The following BCKDHB variants were observed in gnomAD, a reference collection of about 807,000 sequenced individuals.
The protein encoded by BCKDHB is 2-oxoisovalerate dehydrogenase subunit beta, mitochondrial.
A neutral mutation model predicts 48.5 loss-of-function variants in BCKDHB; 41 were observed. The observed-to-expected ratio is 0.85, with a 90% CI of 0.66 to 1.10. The LOEUF is 1.10. BCKDHB is among the 50% of genes least tolerant of loss of function. The probability of loss-of-function intolerance (pLI) is 0.00; values close to 1 mark genes in which losing one functional copy is unlikely to be tolerated. For synonymous variants in BCKDHB, 201 were observed against 174.8 expected (o/e 1.15, Z -1.18); for missense variants, 496 against 494.2 (o/e 1.00, Z -0.03).
chr6:80,180,189 T>A (rs1205639556), intron 6 of BCKDHB, among the ~76,000 whole-genome samples: 1 of 152,264 alleles, frequency 6.6e-6, no homozygotes, highest in African/African-American at 2.4e-5. Context: ...TTATTTCTCC[T>A]TATTTTGAAT....
chr6:80,409,631 T>TATATATATATAA, the BCKDHB span, among the ~76,000 whole-genome samples: 1 of 111,430 alleles, frequency 9.0e-6, no homozygotes, highest in African/African-American at 3.3e-5. Flanking sequence ...TATATATATA[T>TATATATATATAA]GATAGTTAGT....
chr6:80,172,548 ATT>A (rs1002254180), intron 6 of BCKDHB, among the ~76,000 whole-genome samples: 1 of 151,958 alleles, frequency 6.6e-6, no homozygotes, highest in Non-Finnish European at 1.5e-5. Context: ...CATCAAGGTA[ATT>A]TTTTGTGAAT....
the BCKDHB span, among the ~76,000 whole-genome samples, chr6:80,353,282 C>T: frequency 1.3e-5 from 2 of 152,154 alleles, no homozygotes; most frequent in Non-Finnish European, 2.9e-5. Context: ...TGTATATAAT[C>T]ACCATCTTTT....
the BCKDHB span, among the ~76,000 whole-genome samples, chr6:80,359,562 G>A: frequency 6.6e-6 from 1 of 152,044 alleles, no homozygotes; most frequent in African/African-American, 2.4e-5. Flanking sequence ...AGATAAGCCA[G>A]TTTTTGGCTT....
chr6:80,413,359 T>C, the BCKDHB span, among the ~76,000 whole-genome samples: 2 of 152,196 alleles, frequency 1.3e-5, no homozygotes, highest in Non-Finnish European at 2.9e-5. Context: ...GGTAAACTTA[T>C]GTCATGGAGG....
intron 9 of BCKDHB, among the ~76,000 whole-genome samples, chr6:80,333,201 A>G (rs1769409436): frequency 6.6e-6 from 1 of 152,168 alleles, no homozygotes; most frequent in African/African-American, 2.4e-5. Context: ...AGTCTTATGC[A>G]GTGCACCTAA....
Position 80,208,280 on chromosome 6 carries a change from A to G in BCKDHB, c.951+5068A>G, listed in dbSNP as rs1774761387. On this transcript the variant is annotated intron_variant, in intron 8 of 9. Coordinates refer to ENST00000320393, the MANE Select transcript of BCKDHB (RefSeq NM_183050.4). ...AAAATTAGAAAAGAAACTGGACTGA[A>G]TGTTAATGAAGATAGAATATATCAA... is the stretch of plus-strand genomic sequence containing the variant. Among the ~76,000 whole-genome samples the G allele has an allele frequency of 2.0e-5, 3 of 151,874 alleles. No individual in the cohort carries two copies. The South Asian group carries it at 6.2e-4, about 31-fold the overall frequency.
chr6:80,365,378 TATCTC>T, the BCKDHB span, among the ~76,000 whole-genome samples: 1 of 152,110 alleles, frequency 6.6e-6, no homozygotes, highest in Admixed American at 6.6e-5. Flanking sequence ...GCTCAGTCCT[TATCTC>T]AACTGCATAA....
chr6:80,458,100 C>G, the BCKDHB span, among the ~76,000 whole-genome samples: 2 of 152,138 alleles, frequency 1.3e-5, no homozygotes, highest in African/African-American at 2.4e-5. Context: ...TTCAATGAAG[C>G]CTTAGAAAGG....
chr6:80,125,742 G>A (rs1261682169), intron 1 of BCKDHB, among the ~76,000 whole-genome samples: 2 of 152,004 alleles, frequency 1.3e-5, no homozygotes, highest in Admixed American at 6.6e-5. Flanking sequence ...GGTTACTAAT[G>A]TAATTGTCTT....
At chr6:80,175,535 T>C (rs961706898) in intron 6 of BCKDHB, among the ~76,000 whole-genome samples, 4 of 152,196 alleles carry the variant, frequency 2.6e-5, no homozygotes, top group African/African-American at 9.7e-5. Flanking sequence ...AGTCCACTTC[T>C]AGGAATCCAT....
chr6:80,465,727 T>C, the BCKDHB span: 1 of 152,186 alleles, frequency 6.6e-6, no homozygotes, highest in Non-Finnish European at 1.5e-5. Flanking sequence ...ATAAAATAAA[T>C]AAATCTGTTT....
At chr6:80,406,138 C>A in the BCKDHB span, among the ~76,000 whole-genome samples, 1 of 152,130 alleles carries the variant, frequency 6.6e-6, no homozygotes. Context: ...ATCCATGTCC[C>A]TGCAAAGGAA....
intron 9 of BCKDHB, among the ~76,000 whole-genome samples, chr6:80,297,220 C>T (rs990961516): frequency 6.6e-6 from 1 of 152,136 alleles, no homozygotes; most frequent in African/African-American, 2.4e-5. Flanking sequence ...CAGTTTATGA[C>T]CCTAAACTAC....
At chr6:80,301,535 C>T (rs764796988) in intron 9 of BCKDHB, among the ~76,000 whole-genome samples, 7 of 151,730 alleles carry the variant, frequency 4.6e-5, no homozygotes, top group Admixed American at 1.3e-4. Flanking sequence ...AATCATTAAG[C>T]GCCATGAACC....
intron 9 of BCKDHB, among the ~76,000 whole-genome samples, chr6:80,274,498 C>T (rs528234160): frequency 6.6e-6 from 1 of 151,832 alleles, no homozygotes; most frequent in South Asian, 2.1e-4. Context: ...AAGCCAGAGG[C>T]AAAACTGGAA....
chr6:80,290,352 G>A (rs1449219549), intron 9 of BCKDHB, among the ~76,000 whole-genome samples: 9 of 152,276 alleles, frequency 5.9e-5, no homozygotes, highest in Non-Finnish European at 1.3e-4. Context: ...AGGCCCCAGA[G>A]CCTGAAACAC....
At chr6:80,163,205 T>G (rs1217994233) in intron 3 of BCKDHB, among the ~76,000 whole-genome samples, 4 of 151,280 alleles carry the variant, frequency 2.6e-5, no homozygotes, top group Non-Finnish European at 5.9e-5. Flanking sequence ...GCGCCTGGCT[T>G]CTTCTCTCTT....
intron 8 of BCKDHB, among the ~76,000 whole-genome samples, chr6:80,221,325 T>C (rs186750988): frequency 2.1e-4 from 32 of 152,272 alleles, no homozygotes; most frequent in African/African-American, 7.0e-4. Context: ...CCTTCCCGAC[T>C]TTGTTGTTTT....
Sources: allele counts gnomAD v4.1 joint callset (sites outside exome capture counted in the v4.1 genomes callset), GRCh38; gene constraint gnomAD v4.1.1; transcripts MANE v1.5; gene names NCBI Gene and HGNC (gene_info 2026-07-23, HGNC 2026-07-21).